The following NDE1 variants were observed in gnomAD, a reference collection of about 807,000 sequenced individuals.
NDE1 encodes nuclear distribution protein nudE homolog 1.
NDE1 carries 28 observed loss-of-function variants against 43.4 expected under a neutral mutation model. The observed-to-expected ratio is 0.65, with a 90% CI of 0.48 to 0.89. The LOEUF (loss-of-function observed/expected upper bound fraction) is 0.89, where lower values mean the gene tolerates loss of function less well. Among genes scored for constraint, NDE1 ranks in the 40% least tolerant of loss-of-function variants. The pLI, the probability that NDE1 is intolerant of heterozygous loss-of-function variation, is 0.00. For missense variants in NDE1, 441 were observed against 434.1 expected (o/e 1.02, Z -0.14); for synonymous variants, 184 against 172.0 (o/e 1.07, Z -0.55).
intron 8 of NDE1, among the ~76,000 whole-genome samples, chr16:15,705,317 C>G (rs1472243745): frequency 1.3e-5 from 2 of 152,096 alleles, no homozygotes; most frequent in Non-Finnish European, 2.9e-5. Flanking sequence ...AGTAGGACAC[C>G]CCTGTCTCTC....
At position 15,721,001 on chromosome 16, in the gene NDE1, C is replaced by T. The variant is rs776955156; in HGVS notation, c.948-3190C>T. On this transcript the variant is annotated intron_variant, in intron 8 of 8. Coordinates refer to ENST00000396354, the MANE Select transcript of NDE1 (RefSeq NM_017668.3). The stretch of plus-strand genomic sequence containing the variant: ...CCAGCTCTTCCAGCTGCGTCTTCAT[C>T]TCCTCCATCTGGGTCTCCAGGGCCC... The T allele has an allele frequency of 1.2e-6, 2 of 1,614,132 alleles. No homozygotes were observed. The highest frequency in any genetic ancestry group is 1.1e-5 in the South Asian group (1 of 91,070).
At chr16:15,715,496 ACACATAG>A (rs1264551904) in intron 8 of NDE1, among the ~76,000 whole-genome samples, 1 of 152,256 alleles carries the variant, frequency 6.6e-6, no homozygotes, top group Admixed American at 6.5e-5. Context: ...GTGAAAGAAG[ACACATAG>A]CAGACAACAT....
At chr16:15,690,982 A>G (rs2038719896) in intron 5 of NDE1, among the ~76,000 whole-genome samples, 162 bp from the exon 6 acceptor site, 1 of 151,808 alleles carries the variant, frequency 6.6e-6, no homozygotes, top group African/African-American at 2.4e-5. Flanking sequence ...TAATTTTTGT[A>G]TTTTCAATAG....
intron 8 of NDE1, among the ~76,000 whole-genome samples, chr16:15,706,911 TCTGTTTTGG>T (rs752780520): frequency 3.9e-5 from 6 of 152,100 alleles, no homozygotes; most frequent in Middle Eastern, 3.2e-3. Flanking sequence ...TGCAAGATAC[TCTGTTTTGG>T]CTGAAGTGCT....
chr16:15,682,760 T>C (rs1375142412), intron 4 of NDE1, among the ~76,000 whole-genome samples: 1 of 152,224 alleles, frequency 6.6e-6, no homozygotes, highest in Non-Finnish European at 1.5e-5. Flanking sequence ...AGTCTTGCTC[T>C]GTAGCCCAGG....
chr16:15,643,462 A>T (rs2036198764), exon 1 of NDE1: 4 of 420,244 alleles, frequency 9.5e-6, no homozygotes, highest in Non-Finnish European at 1.9e-5. Context: ...CGTGACGTGG[A>T]CCCGAGGAAA....
At chr16:15,718,206 AATCC>A in intron 8 of NDE1, 1 of 1,563,998 alleles carries the variant, frequency 6.4e-7, no homozygotes, top group Non-Finnish European at 8.7e-7. Flanking sequence ...CTTGTCCCTC[AATCC>A]AGGGCCTGCA....
intron 1 of NDE1, among the ~76,000 whole-genome samples, chr16:15,652,910 T>G (rs964019091): frequency 1.3e-5 from 2 of 152,044 alleles, no homozygotes; most frequent in African/African-American, 4.8e-5. Context: ...AAGCGATCCT[T>G]CCGCCTCAGC....
intron 8 of NDE1, among the ~76,000 whole-genome samples, chr16:15,708,565 T>C (rs1372603074): frequency 6.6e-6 from 1 of 152,216 alleles, no homozygotes; most frequent in East Asian, 1.9e-4. Flanking sequence ...TTGGGTGTCA[T>C]GTCACATGTG....
intron 8 of NDE1, chr16:15,713,786 G>A (rs1164920358): frequency 6.6e-6 from 1 of 152,390 alleles, no homozygotes; most frequent in Non-Finnish European, 1.5e-5. Flanking sequence ...GCCCAGCCAA[G>A]CTTGAGTTTC....
intron 8 of NDE1, among the ~76,000 whole-genome samples, chr16:15,702,986 G>A (rs914511524): frequency 6.6e-6 from 1 of 152,048 alleles, no homozygotes; most frequent in African/African-American, 2.4e-5. Flanking sequence ...GGGGTTGTAG[G>A]CAATTGATTT....
At chr16:15,670,467 C>G (rs1357539271) in intron 3 of NDE1, among the ~76,000 whole-genome samples, 1 of 151,950 alleles carries the variant, frequency 6.6e-6, no homozygotes, top group Admixed American at 6.6e-5. Flanking sequence ...AGACCAGCCT[C>G]ACCAACATGA....
At position 15,667,865 on chromosome 16, in the gene NDE1, C is replaced by T. The variant is rs374383648; in HGVS notation, c.237+426C>T. On this transcript the variant is annotated intron_variant, in intron 3 of 8. Transcript: ENST00000396354. ...CAGGCTGGTCTCGAACTCCTGACCT[C>T]GGGATCCATGATGGGTGGAGCTTTG... Among the ~76,000 whole-genome samples the T allele has an allele frequency of 4.5e-3, 690 of 151,876 alleles. 2 individuals carry two copies. Among genetic ancestry groups the T allele is most frequent in the African/African-American group, 0.014 (580 of 41,400 alleles).
intron 6 of NDE1, among the ~76,000 whole-genome samples, chr16:15,693,270 A>C (rs933638958): frequency 2.0e-5 from 3 of 152,124 alleles, no homozygotes; most frequent in Non-Finnish European, 4.4e-5. Context: ...CTCTGAAAGC[A>C]CTGGGATTAC....
At chr16:15,669,047 C>T (rs2037458097) in intron 3 of NDE1, among the ~76,000 whole-genome samples, 1 of 151,816 alleles carries the variant, frequency 6.6e-6, no homozygotes, top group Non-Finnish European at 1.5e-5. Flanking sequence ...CTACAGGCGC[C>T]TGCCACCACG....
At chr16:15,659,371 A>G (rs1849718079) in intron 1 of NDE1, among the ~76,000 whole-genome samples, 1 of 146,992 alleles carries the variant, frequency 6.8e-6, no homozygotes, top group Non-Finnish European at 1.5e-5. Flanking sequence ...GTCCCCAGGG[A>G]TACACACCAG....
intron 4 of NDE1, chr16:15,686,671 C>G (rs1020036679): frequency 4.8e-6 from 2 of 418,774 alleles, no homozygotes; most frequent in African/African-American, 2.2e-5. Context: ...CAGCAAAAAC[C>G]TGTGTCTTAA....
At chr16:15,722,313 G>T (rs1305063773) in intron 8 of NDE1, among the ~76,000 whole-genome samples, 2 of 152,244 alleles carry the variant, frequency 1.3e-5, no homozygotes, top group Non-Finnish European at 2.9e-5. Flanking sequence ...AAGAGCCTCA[G>T]TAGGGAAATG....
chr16:15,683,553 A>T (rs1278482768), intron 4 of NDE1, among the ~76,000 whole-genome samples: 1 of 152,000 alleles, frequency 6.6e-6, no homozygotes. Context: ...TCGCCATGTT[A>T]GCCAAGATGG....
Sources: gnomAD v4.1 joint callset for allele counts (sites outside exome capture counted in the v4.1 genomes callset) on GRCh38, gnomAD v4.1.1 for gene constraint, MANE v1.5 for transcripts, NCBI Gene and HGNC (gene_info 2026-07-23, HGNC 2026-07-21) for gene names.